Variants in DNM3 observed in about 807,000 individuals in gnomAD.
DNM3 encodes dynamin 3.
Under a neutral mutation model 101.6 loss-of-function variants are expected in DNM3, and 47 were observed. The ratio of observed to expected loss-of-function variants is 0.46; its 90% CI spans 0.37 to 0.59. The LOEUF is 0.59. Among genes scored for constraint, DNM3 ranks in the 20% least tolerant of loss-of-function variants. DNM3 has a pLI of 0.00. For synonymous variants in DNM3, 385 were observed against 387.9 expected, an observed-to-expected ratio of 0.99 and a Z score of 0.09; for missense variants, 849 against 1,085.7, an observed-to-expected ratio of 0.78 and a Z score of 3.06.
At chr1:172,254,528 C>T (rs1007696271) in intron 15 of DNM3, among the ~76,000 whole-genome samples, 4 of 152,102 alleles carry the variant, frequency 2.6e-5, no homozygotes, top group African/African-American at 9.7e-5. Flanking sequence ...GATACAGTTA[C>T]AAATAAGAAA....
At chr1:172,077,382 C>A (rs2052748805) in intron 11 of DNM3, among the ~76,000 whole-genome samples, 2 of 152,110 alleles carry the variant, frequency 1.3e-5, no homozygotes, top group Admixed American at 6.6e-5. Flanking sequence ...CCTTGCTTCT[C>A]TTGTTCTTTT....
At chr1:172,339,867 T>C (rs1020939814) in intron 17 of DNM3, among the ~76,000 whole-genome samples, 1 of 152,174 alleles carries the variant, frequency 6.6e-6, no homozygotes, top group East Asian at 1.9e-4. Flanking sequence ...AAGTTTACAA[T>C]AGAGGGTGAT....
Position 172,408,271 on chromosome 1 carries a change from G to T in DNM3, c.*430G>T, listed in dbSNP as rs2149131087. 1.0e-6 allele frequency: 1 copy of T among 991,290 alleles called. No individual in the cohort carries two copies. The highest frequency in any genetic ancestry group is 4.6e-5 in the South Asian group (1 of 21,686). The allele number at this position is 991,290 out of a possible 1,614,324, so 61.4% of individuals were successfully genotyped here. A position where few individuals can be genotyped will look rare whatever the true frequency, so the allele number is the denominator to read the frequency against. ...TTCTGTTTAGGATGACAGTAATTCT[G>T]TTGTCTACCATTAATGCTACTACCT... On this transcript the variant is annotated 3_prime_UTR_variant, in exon 21 of 21. Transcript: ENST00000627582.
intron 1 of DNM3, among the ~76,000 whole-genome samples, chr1:171,860,826 A>G (rs1301899121): frequency 6.9e-6 from 1 of 145,012 alleles, no homozygotes; most frequent in Admixed American, 6.9e-5. Context: ...GAATGAAAAA[A>G]CGACTCTCAA....
chr1:172,310,245 A>G (rs1248019493), intron 16 of DNM3: 1 of 152,168 alleles, frequency 6.6e-6, no homozygotes, highest in Non-Finnish European at 1.5e-5. Flanking sequence ...AGTGTGTTTA[A>G]TTTCACAAAT....
At chr1:172,309,065 T>A (rs1176927387) in intron 16 of DNM3, 6 of 420,062 alleles carry the variant, frequency 1.4e-5, no homozygotes, top group Non-Finnish European at 2.1e-5. Context: ...AAAGAAAATG[T>A]CCTACTCAGC....
At chr1:172,056,466 G>C (rs898497016) in intron 10 of DNM3, among the ~76,000 whole-genome samples, 2 of 152,214 alleles carry the variant, frequency 1.3e-5, no homozygotes, top group Non-Finnish European at 2.9e-5. Flanking sequence ...GAAGAGAGCA[G>C]TGGTTCTTCC....
intron 2 of DNM3, among the ~76,000 whole-genome samples, chr1:171,965,629 C>T (rs891963171): frequency 2.6e-5 from 4 of 151,770 alleles, no homozygotes; most frequent in Non-Finnish European, 5.9e-5. Flanking sequence ...GTACATGGGG[C>T]GAGGTCCAGA....
rs568380367 is a variant in DNM3 at position 172,067,493 on chromosome 1, C to T, written c.1336-1326C>T. Among the ~76,000 whole-genome samples, 7 of 152,180 alleles carry T rather than the reference C, an allele frequency of 4.6e-5. No individual in the cohort carries two copies. The South Asian group carries it at 1.2e-3, about 27-fold the overall frequency. ...TTTCTAGCTTTGTCTGAGGATCATACTCCTCAGTTTCTGCACGGACTTTCT... is the reference window on the plus strand; with the variant it reads ...TTTCTAGCTTTGTCTGAGGATCATATTCCTCAGTTTCTGCACGGACTTTCT... On this transcript the variant is annotated intron_variant, in intron 10 of 20. Transcript: ENST00000627582.
chr1:172,092,049 C>T (rs1397683568), intron 12 of DNM3, among the ~76,000 whole-genome samples: 1 of 151,994 alleles, frequency 6.6e-6, no homozygotes, highest in African/African-American at 2.4e-5. Context: ...ATAGAATTGC[C>T]ATTAGTTAAG....
chr1:172,228,003 C>G (rs921776863), intron 14 of DNM3, among the ~76,000 whole-genome samples: 1 of 152,042 alleles, frequency 6.6e-6, no homozygotes, highest in African/African-American at 2.4e-5. Context: ...CTCCTTGACA[C>G]TTTTCTATTA....
chr1:171,979,453 G>T (rs1355041185), intron 2 of DNM3, among the ~76,000 whole-genome samples: 1 of 152,104 alleles, frequency 6.6e-6, no homozygotes, highest in Middle Eastern at 3.2e-3. Context: ...TCTTGATTGT[G>T]TTTTACGTGG....
At chr1:172,066,562 C>A (rs2051683604) in intron 10 of DNM3, among the ~76,000 whole-genome samples, 1 of 152,098 alleles carries the variant, frequency 6.6e-6, no homozygotes, top group African/African-American at 2.4e-5. Flanking sequence ...GCCTTCATGG[C>A]CCAATCACCT....
intron 15 of DNM3, among the ~76,000 whole-genome samples, chr1:172,272,943 A>C (rs2148754886): frequency 6.6e-6 from 1 of 152,192 alleles, no homozygotes; most frequent in South Asian, 2.1e-4. Context: ...TAGTTTGAAA[A>C]GCCCTAACAA....
chr1:172,079,610 G>A (rs563103675), intron 11 of DNM3, among the ~76,000 whole-genome samples: 46 of 152,068 alleles, frequency 3.0e-4, no homozygotes, highest in Non-Finnish European at 6.3e-4. Context: ...ACCTTGTGAA[G>A]CCTACTTCTG....
rs1240459325 is a variant in DNM3, at chr1:171,983,544, C to G, written c.236-4112C>G. On this transcript the variant is annotated intron_variant, in intron 2 of 20. Transcript: ENST00000627582. ...TCCCCTTACTGTTTTCTCCTACCTT[C>G]TAAGTCTCCATCTCCTGACCTCTAA... is the stretch of plus-strand genomic sequence containing the variant. Among the ~76,000 whole-genome samples, 3 of 152,040 alleles carry G rather than the reference C, an allele frequency of 2.0e-5. No homozygotes were observed. The East Asian group carries it at 5.8e-4, about 29-fold the overall frequency.
intron 12 of DNM3, among the ~76,000 whole-genome samples, chr1:172,092,227 G>A (rs527955404): frequency 6.6e-6 from 1 of 152,110 alleles, no homozygotes; most frequent in Admixed American, 6.6e-5. Context: ...GATCTACATG[G>A]CAGATCCAAA....
chr1:172,308,445 C>T (rs994646204), intron 15 of DNM3, among the ~76,000 whole-genome samples: 1 of 152,230 alleles, frequency 6.6e-6, no homozygotes, highest in Non-Finnish European at 1.5e-5. Flanking sequence ...AATCAGTTCA[C>T]ACCCAGTGTA....
chr1:172,219,203 T>G (rs1244342495), intron 14 of DNM3, among the ~76,000 whole-genome samples: 2 of 150,386 alleles, frequency 1.3e-5, no homozygotes, highest in Non-Finnish European at 3.0e-5. Context: ...AAATAAAAAA[T>G]AAAAGAAAAC....
Sources: allele counts gnomAD v4.1 joint callset (sites outside exome capture counted in the v4.1 genomes callset), GRCh38; gene constraint gnomAD v4.1.1; transcripts MANE v1.5; gene names NCBI Gene and HGNC (gene_info 2026-07-23, HGNC 2026-07-21).